The following PALLD variants were observed in gnomAD, a reference collection of about 807,000 sequenced individuals.
PALLD encodes the protein palladin, cytoskeletal associated protein.
In PALLD, 61 loss-of-function variants were observed where a neutral mutation model predicts 123.5. That is an observed-to-expected ratio of 0.49 (90% CI 0.40 to 0.61). PALLD has a LOEUF of 0.61. PALLD is among the 20% of genes least tolerant of loss of function. The pLI is 0.00. For missense variants in PALLD, 1,273 were observed against 1,377.0 expected, an observed-to-expected ratio of 0.92 and a Z score of 1.20; for synonymous variants, 465 against 496.4, an observed-to-expected ratio of 0.94 and a Z score of 0.84.
chr4:168,709,740 C>A (rs374872432), intron 9 of PALLD, among the ~76,000 whole-genome samples: 1 of 151,700 alleles, frequency 6.6e-6, no homozygotes, highest in Non-Finnish European at 1.5e-5. Context: ...CTAAGTTCAT[C>A]GTGAAACAAA....
chr4:168,876,165 G>GT (rs1163368374), intron 10 of PALLD, among the ~76,000 whole-genome samples: 1 of 152,220 alleles, frequency 6.6e-6, no homozygotes, highest in African/African-American at 2.4e-5. Flanking sequence ...TTGAGGAAAT[G>GT]TAAGAGAGAC....
At chr4:168,916,153 C>T in intron 17 of PALLD, 126 bp downstream of exon 17, 2 of 941,910 alleles carry the variant, frequency 2.1e-6, no homozygotes, top group South Asian at 1.3e-5. Context: ...TGGCTCACAC[C>T]TATAATCCCA....
chr4:168,600,024 C>T (rs1395427454), intron 2 of PALLD, among the ~76,000 whole-genome samples: 2 of 146,806 alleles, frequency 1.4e-5, no homozygotes, highest in African/African-American at 5.2e-5. Flanking sequence ...CATGTGTGTA[C>T]ACACACATAC....
At chr4:168,529,155 T>G (rs943716689) in intron 2 of PALLD, among the ~76,000 whole-genome samples, 2 of 152,088 alleles carry the variant, frequency 1.3e-5, no homozygotes. Context: ...GCCAACCTAG[T>G]GAAACTTCAT....
chr4:168,923,776 T>G (rs1216238452), intron 18 of PALLD, among the ~76,000 whole-genome samples: 1 of 152,196 alleles, frequency 6.6e-6, no homozygotes, highest in Non-Finnish European at 1.5e-5. Flanking sequence ...ATGGCATGTC[T>G]CACTTAAGAG....
chr4:168,524,627 T>C lies in PALLD; in HGVS notation c.908+12215T>C, dbSNP rs927007584. ...TTTTAACTGCTATACTCTACTGCCA[T>C]AACCCTTCTCAAGATCTGTCTCAAT... is the stretch of plus-strand genomic sequence containing the variant. On this transcript the variant is annotated intron_variant, in intron 2 of 21. Transcript: ENST00000505667. 2.6e-5 allele frequency among the ~76,000 whole-genome samples: 4 copies of C among 152,298 alleles called. No individual in the cohort carries two copies. The East Asian group carries it at 5.8e-4, about 22-fold the overall frequency.
intron 10 of PALLD, among the ~76,000 whole-genome samples, chr4:168,803,874 C>T (rs951703159): frequency 1.3e-5 from 2 of 152,070 alleles, no homozygotes; most frequent in Non-Finnish European, 1.5e-5. Context: ...GTGTTGTCAG[C>T]AGAAGCTAAT....
chr4:168,917,492 A>ACTG (rs1297696422), intron 17 of PALLD, among the ~76,000 whole-genome samples: 1 of 152,174 alleles, frequency 6.6e-6, no homozygotes, highest in Non-Finnish European at 1.5e-5. Flanking sequence ...TTTAAGAAAC[A>ACTG]CTGCTCTAAA....
chr4:168,878,287 C>T lies in PALLD; in HGVS notation c.1965-12635C>T, dbSNP rs1385998898. 1.4e-5 allele frequency: 21 copies of T among 1,527,268 alleles called. No homozygotes were observed. The highest frequency in any genetic ancestry group is 2.8e-5 in the African/African-American group (2 of 72,076). 94.6% of individuals were successfully genotyped at this position (1,527,268 alleles called of 1,614,324 possible). Reference sequence around the variant, plus strand: ...CCCACTGCTCGTCGCCTGCCACCCGCTTCGGCCACAGCCAGACGCCCGCGG... The same window carrying T: ...CCCACTGCTCGTCGCCTGCCACCCGTTTCGGCCACAGCCAGACGCCCGCGG... On this transcript the variant is annotated intron_variant, in intron 10 of 21. Transcript: ENST00000505667.
intron 2 of PALLD, among the ~76,000 whole-genome samples, chr4:168,573,676 A>G (rs1299782053): frequency 6.6e-6 from 1 of 152,142 alleles, no homozygotes; most frequent in Non-Finnish European, 1.5e-5. Context: ...TCAGGCTGAG[A>G]GGGTTAGAAA....
At chr4:168,573,379 A>C (rs750922203) in intron 2 of PALLD, among the ~76,000 whole-genome samples, 3 of 151,944 alleles carry the variant, frequency 2.0e-5, no homozygotes, top group Non-Finnish European at 2.9e-5. Context: ...GTGTTGAACT[A>C]TCTCTCTCCT....
intron 1 of PALLD, among the ~76,000 whole-genome samples, chr4:168,501,767 T>C (rs987629434): frequency 1.3e-5 from 2 of 152,190 alleles, no homozygotes; most frequent in Non-Finnish European, 2.9e-5. Flanking sequence ...CATGTTCTCC[T>C]CTTGTGACTT....
At chr4:168,910,785 G>A (rs191199256) in intron 15 of PALLD, among the ~76,000 whole-genome samples, 103 of 152,292 alleles carry the variant, frequency 6.8e-4, no homozygotes, top group African/African-American at 2.4e-3. Flanking sequence ...ACTGATTCCA[G>A]AGCTACTGAA....
chr4:168,664,557 C>G (rs1779439436), intron 2 of PALLD, among the ~76,000 whole-genome samples: 1 of 152,102 alleles, frequency 6.6e-6, no homozygotes, highest in Non-Finnish European at 1.5e-5. Flanking sequence ...AACAGCATCT[C>G]AGATTGTAAT....
At position 168,543,196 on chromosome 4, in the gene PALLD, C is replaced by A. The variant is rs545396980; in HGVS notation, c.908+30784C>A. On this transcript the variant is annotated intron_variant, in intron 2 of 21. Transcript: ENST00000505667. ...TGAGAACGTCACTTGCCTTGTCTGA[C>A]CCTCATCTTCTTCATTTGTAAAATG... is the stretch of plus-strand genomic sequence containing the variant. Among the ~76,000 whole-genome samples the A allele has an allele frequency of 2.6e-5, 4 of 152,134 alleles. No individual in the cohort carries two copies. The East Asian group carries it at 7.7e-4, about 29-fold the overall frequency.
At chr4:168,925,212 T>G in intron 20 of PALLD, 21 bp from the exon 21 acceptor site, 2 of 1,597,588 alleles carry the variant, frequency 1.3e-6, no homozygotes, top group Non-Finnish European at 1.7e-6. Context: ...CATATTGCTC[T>G]CTCTCTCTTT....
intron 10 of PALLD, among the ~76,000 whole-genome samples, chr4:168,743,871 C>G (rs993992222): frequency 6.6e-6 from 1 of 152,022 alleles, no homozygotes; most frequent in African/African-American, 2.4e-5. Flanking sequence ...CCCAGATTTT[C>G]CAAAACAAGC....
chr4:168,902,667 T>C (rs1479955191), intron 14 of PALLD, among the ~76,000 whole-genome samples: 2 of 152,042 alleles, frequency 1.3e-5, no homozygotes, highest in African/African-American at 2.4e-5. Flanking sequence ...AACAAAACCT[T>C]AGAACTCGGA....
intron 2 of PALLD, among the ~76,000 whole-genome samples, chr4:168,597,593 A>G (rs1479370597): frequency 2.0e-5 from 3 of 152,106 alleles, no homozygotes; most frequent in South Asian, 4.1e-4. Context: ...CAACAATGTT[A>G]TAATACATTA....
Sources: allele counts gnomAD v4.1 joint callset (sites outside exome capture counted in the v4.1 genomes callset), GRCh38; gene constraint gnomAD v4.1.1; transcripts MANE v1.5; gene names NCBI Gene and HGNC (gene_info 2026-07-23, HGNC 2026-07-21).